Variants in EVC observed in about 807,000 individuals in gnomAD.
EVC encodes the protein evC complex member EVC.
In EVC, 116 loss-of-function variants were observed where a neutral mutation model predicts 118.9. The observed-to-expected ratio is 0.98, with a 90% CI of 0.84 to 1.14. The LOEUF is 1.14. EVC is among the 50% of genes most tolerant of loss of function. The pLI, the probability that EVC is intolerant of heterozygous loss-of-function variation, is 0.00. For synonymous variants in EVC, 619 were observed against 534.7 expected (o/e 1.16, Z -2.18); for missense variants, 1,401 against 1,246.4 (o/e 1.12, Z -1.87).
At position 5,743,266 on chromosome 4, in the gene EVC, G is replaced by A. The variant is rs535147731; in HGVS notation, c.801+1452G>A. Among the ~76,000 whole-genome samples, 9 of 152,076 alleles carry A rather than the reference G, an allele frequency of 5.9e-5. No homozygotes were observed. The East Asian group carries it at 1.7e-3, about 29-fold the overall frequency. On this transcript the variant is annotated intron_variant, in intron 6 of 20. Coordinates refer to ENST00000264956, the MANE Select transcript of EVC (RefSeq NM_153717.3). This position sits in a 1 kb window ranked among gnomAD's most constrained non-coding sequence, Gnocchi z 4.7. ...TCCTGTCTGGACCAGATCCCATTTT[G>A]ATCAGCAGGGTTGTGATCAGAAAAC...
Position 5,731,474 on chromosome 4 carries a change from A to G in EVC, c.434A>G (p.Gln145Arg), listed in dbSNP as rs757694707. 2 of 1,613,180 alleles carry G rather than the reference A, an allele frequency of 1.2e-6. No homozygotes were observed. The highest frequency in any genetic ancestry group is 4.5e-5 in the East Asian group (2 of 44,862). The change falls in exon 4 of 21, where the codon CAG becomes CGG. Residue 145 changes from glutamine (Q) to arginine (R), a missense_variant. By Grantham distance (43) the Gln-to-Arg change is conservative (BLOSUM62 1). Transcript: ENST00000264956. The surrounding 1 kb of genome is among the most constrained non-coding windows in gnomAD (Gnocchi z 5.6). The stretch of plus-strand genomic sequence containing the variant: ...CCGTCTCTGCATGAAAACTTAAAGC[A>G]GGCTGTTTTGCCACACCAGCCGGTA... ...SNPSLHENLK[Q>R]AVLPHQPVEA...
chr4:5,806,064 T>A (rs533564146), intron 17 of EVC, among the ~76,000 whole-genome samples: 70 of 151,508 alleles, frequency 4.6e-4, no homozygotes, highest in African/African-American at 1.6e-3. Context: ...TCTGTGTCTC[T>A]GTTGTCCATC....
In EVC at chr4:5,752,983, C is replaced by T. The variant is rs113986714; in HGVS notation, c.1246C>T (p.Arg416Trp). ...GGCTGGTGAGGGGAAGCTGTCCGGG[C>T]GGCAGAAGGAGGAGCTGCTCACGCA... ...LLAGEGKLSG[R>W]QKEELLTQQH... The change falls in exon 9 of 21, where the codon CGG (arginine) becomes TGG (tryptophan). Residue 416 changes from arginine to tryptophan, a missense_variant. Arg to Trp is a moderately radical substitution (Grantham distance 101). Coordinates refer to ENST00000264956, the MANE Select transcript of EVC (RefSeq NM_153717.3). 2.0e-5 allele frequency: 33 copies of T among 1,613,550 alleles called. No homozygotes were observed. Among genetic ancestry groups the T allele is most frequent in the Admixed American group, 5.0e-5 (3 of 59,982 alleles).
Position 5,811,004 on chromosome 4 carries a change from A to G in EVC, c.2946A>G (p.Ser982=), listed in dbSNP as rs1388651029. 4 of 1,613,124 alleles carry G rather than the reference A, an allele frequency of 2.5e-6. No homozygotes were observed. In the East Asian group the frequency reaches 8.9e-5, roughly 36 times the overall value. Residue 982 remains serine, a synonymous_variant, in exon 21 of 21, where the codon TCA becomes TCG. Transcript: ENST00000264956. The stretch of plus-strand genomic sequence containing the variant: ...GTGAAGCTGGGGACAGTGGGAACTC[A>G]AAGAAGATGCTAAAGAGAAGAAGCA... ...QESEAGDSGN[S]KKMLKRRSNL
intron 17 of EVC, 61 bp from the exon 18 acceptor site, chr4:5,808,140 T>TCCCCCCCCCCCCC: frequency 2.1e-5 from 5 of 239,930 alleles, no homozygotes; most frequent in Non-Finnish European, 2.6e-5. Flanking sequence ...TCTCCCTCCC[T>TCCCCCCCCCCCCC]CCCTCCCTCC....
At chr4:5,800,416 C>T (rs1019503448) in intron 15 of EVC, among the ~76,000 whole-genome samples, 1 of 152,140 alleles carries the variant, frequency 6.6e-6, no homozygotes, top group Non-Finnish European at 1.5e-5. Flanking sequence ...ATTTATTCAA[C>T]CTGTATTCAG....
intron 12 of EVC, among the ~76,000 whole-genome samples, chr4:5,788,395 G>C (rs1712109804): frequency 6.6e-6 from 1 of 152,122 alleles, no homozygotes; most frequent in Non-Finnish European, 1.5e-5. Context: ...AGTTCCTCAA[G>C]GGTCGTTGGA....
At chr4:5,753,687 A>G (rs1214128703) in intron 9 of EVC, 98 bp from the exon 10 acceptor site, 65 of 1,526,148 alleles carry the variant, frequency 4.3e-5, no homozygotes, top group African/African-American at 5.5e-5. Context: ...AGCCGACACC[A>G]GCTTCCCCAA....
rs139458793 is a variant in EVC at position 5,801,453 on chromosome 4, C to T, written c.2305-497C>T. 7.7e-3 allele frequency among the ~76,000 whole-genome samples: 1,167 copies of T among 152,130 alleles called. 14 individuals carry two copies. The highest frequency in any genetic ancestry group is 0.026 in the African/African-American group (1,094 of 41,516). On this transcript the variant is annotated intron_variant, in intron 15 of 20. Transcript: ENST00000264956. ...AAGTACTTTGGGAGGCCGAGGTGGGCAGATCACCTGAGGTCAGGAGTTTGA... is the reference window on the plus strand; with the variant it reads ...AAGTACTTTGGGAGGCCGAGGTGGGTAGATCACCTGAGGTCAGGAGTTTGA...
chr4:5,768,862 A>G (rs1039221643), intron 11 of EVC, among the ~76,000 whole-genome samples: 3 of 151,900 alleles, frequency 2.0e-5, no homozygotes, highest in East Asian at 3.9e-4. Flanking sequence ...TCTCAAAAAA[A>G]AAAAGAAATA....
Position 5,808,182 on chromosome 4 carries a change from C to G in EVC, c.2562-19C>G. ...CCCTTCCTTCCTCCCTGCCAGCCTGCCTGCCTTCCTCCCCCCAGGATGCTG... is the reference window on the plus strand; with the variant it reads ...CCCTTCCTTCCTCCCTGCCAGCCTGGCTGCCTTCCTCCCCCCAGGATGCTG... On this transcript the variant is annotated intron_variant, in intron 17 of 20. Transcript: ENST00000264956. 1 of 1,502,134 alleles carries G rather than the reference C, an allele frequency of 6.7e-7. No homozygotes were observed. The allele number at this position is 1,502,134 out of a possible 1,614,324, so 93.1% of individuals were successfully genotyped here.
At position 5,758,313 on chromosome 4, in the gene EVC, C is replaced by T. The variant is rs1367704169; in HGVS notation, c.1563+1951C>T. 7.2e-6 allele frequency: 4 copies of T among 555,592 alleles called. No homozygotes were observed. The East Asian group carries it at 8.9e-5, about 12-fold the overall frequency. 34.4% of individuals were successfully genotyped at this position (555,592 alleles called of 1,614,324 possible). A position where few individuals can be genotyped will look rare whatever the true frequency, so the allele number is the denominator to read the frequency against. On this transcript the variant is annotated intron_variant, in intron 11 of 20. Coordinates refer to ENST00000264956, the MANE Select transcript of EVC (RefSeq NM_153717.3). Reference sequence around the variant, plus strand: ...AATAAACTTCGTTGTCTTAATGCACCCAGTTTGCGGCGCTTTGTCATGGCA... The same window carrying T: ...AATAAACTTCGTTGTCTTAATGCACTCAGTTTGCGGCGCTTTGTCATGGCA...
chr4:5,801,215 A>T (rs374705794), intron 15 of EVC, among the ~76,000 whole-genome samples: 73 of 152,282 alleles, frequency 4.8e-4, no homozygotes, highest in African/African-American at 1.7e-3. Flanking sequence ...TGGCTTTGTG[A>T]TGTGACCGAG....
chr4:5,753,938 C>T lies in EVC; in HGVS notation c.1464+5C>T, dbSNP rs369734950. 1.8e-4 allele frequency: 287 copies of T among 1,612,726 alleles called. 1 individual carries two copies. The African/African-American group carries it at 3.5e-3, about 19-fold the overall frequency. On this transcript the variant is annotated splice_donor_5th_base_variant and intron_variant, in intron 10 of 20. Transcript: ENST00000264956. Reference sequence around the variant, plus strand: ...GACCCGGAAAAGTTTCTCGAGGTGACTCACATCCCCAGCCTCTGCACATGT... The same window carrying T: ...GACCCGGAAAAGTTTCTCGAGGTGATTCACATCCCCAGCCTCTGCACATGT...
intron 8 of EVC, among the ~76,000 whole-genome samples, chr4:5,751,348 C>T (rs1730336347): frequency 1.3e-5 from 2 of 152,186 alleles, no homozygotes; most frequent in African/African-American, 4.8e-5. Flanking sequence ...TTCCATCCTC[C>T]CTCCAATATA....
downstream of EVC, among the ~76,000 whole-genome samples, chr4:5,817,510 C>A (rs551874032): frequency 6.6e-6 from 1 of 152,166 alleles, no homozygotes; most frequent in African/African-American, 2.4e-5. Context: ...GCACCAGGGC[C>A]CCTGTGTCTT....
intron 11 of EVC, among the ~76,000 whole-genome samples, chr4:5,772,607 C>T (rs1352300990): frequency 6.6e-6 from 1 of 152,120 alleles, no homozygotes; most frequent in Non-Finnish European, 1.5e-5. Context: ...CCAGCCTGTC[C>T]ACAAGATGCC....
intron 11 of EVC, among the ~76,000 whole-genome samples, chr4:5,773,171 T>A (rs1734244052): frequency 6.6e-6 from 1 of 152,164 alleles, no homozygotes; most frequent in Non-Finnish European, 1.5e-5. Flanking sequence ...ACACACATAT[T>A]TATCCCAGAG....
At chr4:5,782,245 T>A (rs1433601049) in intron 11 of EVC, among the ~76,000 whole-genome samples, 1 of 151,598 alleles carries the variant, frequency 6.6e-6, no homozygotes. Flanking sequence ...GGCTAATTTT[T>A]ATATTTTTTA....
Sources: allele counts gnomAD v4.1 joint callset (sites outside exome capture counted in the v4.1 genomes callset), GRCh38; gene constraint gnomAD v4.1.1; non-coding constraint Gnocchi (gnomAD v3.1); transcripts MANE v1.5; gene names NCBI Gene and HGNC (gene_info 2026-07-23, HGNC 2026-07-21).